The following ABCC3 variants were observed in gnomAD, a reference collection of about 807,000 sequenced individuals.
ABCC3 encodes ATP binding cassette subfamily C member 3, also known as ATP-binding cassette sub-family C member 3.
In ABCC3, 121 loss-of-function variants were observed where a neutral mutation model predicts 165.3. The observed-to-expected ratio is 0.73, with a 90% CI of 0.63 to 0.85. The LOEUF is 0.85. Ranked by LOEUF, ABCC3 falls within the 40% of genes least tolerant of loss-of-function variation. ABCC3 has a pLI of 0.00. For missense variants in ABCC3, 1,869 were observed against 1,964.1 expected (o/e 0.95, Z 0.92); for synonymous variants, 733 against 810.1 (o/e 0.90, Z 1.62).
chr17:50,659,360 G>A lies in ABCC3; in HGVS notation c.798G>A (p.Gln266=). The A allele has an allele frequency of 6.2e-7, 1 of 1,609,420 alleles. No homozygotes were observed. Residue 266 remains glutamine (Q), a synonymous_variant, in exon 7 of 31, where the codon CAG becomes CAA. Coordinates refer to ENST00000285238, the MANE Select transcript of ABCC3 (RefSeq NM_003786.4). The part of the protein sequence containing the change: ...LLEAWRKQEK[Q]TARHKASAAP... ...AGGCATGGAGGAAGCAGGAAAAGCA[G>A]ACGGCACGGTGAGGCCCTCCCCTTG...
rs1967437620 is a variant in ABCC3, at chr17:50,663,382, C to T, written c.999-299C>T. On this transcript the variant is annotated intron_variant, in intron 8 of 30. Coordinates refer to ENST00000285238, the MANE Select transcript of ABCC3 (RefSeq NM_003786.4). Reference sequence around the variant, plus strand: ...GTCAATGGAAACGTGGCATTTCTTCCCGCCATATGTCAGGAGGTAAGAAGG... The same window carrying T: ...GTCAATGGAAACGTGGCATTTCTTCTCGCCATATGTCAGGAGGTAAGAAGG... 7.4e-6 allele frequency: 3 copies of T among 404,264 alleles called. No homozygotes were observed. In the East Asian group the frequency reaches 1.3e-4, roughly 18 times the overall value. The allele number at this position is 404,264 out of a possible 1,614,324, so 25.0% of individuals were successfully genotyped here. A position where few individuals can be genotyped will look rare whatever the true frequency, so the allele number is the denominator to read the frequency against.
intron 1 of ABCC3, among the ~76,000 whole-genome samples, chr17:50,638,708 C>T (rs2054201348): frequency 6.6e-6 from 1 of 152,214 alleles, no homozygotes; most frequent in Non-Finnish European, 1.5e-5. Flanking sequence ...CTCATTGTTC[C>T]CTTAGCTGTT....
rs756023369 is a variant in ABCC3, at chr17:50,683,967, A to G, written c.3973A>G (p.Thr1325Ala). ...CGCCCAGGTGGGGATCGTGGGCCGCACTGGGGCTGGCAAGTCTTCCATGAC... is the reference window on the plus strand; with the variant it reads ...CGCCCAGGTGGGGATCGTGGGCCGCGCTGGGGCTGGCAAGTCTTCCATGAC... ...GGEKVGIVGR[T>A]GAGKSSMTLC... Residue 1325 changes from threonine (T) to alanine (A), a missense_variant, in exon 28 of 31, where the codon ACT (threonine) becomes GCT (alanine). Transcript: ENST00000285238. The G allele has an allele frequency of 1.2e-6, 2 of 1,613,144 alleles. No individual in the cohort carries two copies. Among genetic ancestry groups the G allele is most frequent in the East Asian group, 2.2e-5 (1 of 44,798 alleles).
At chr17:50,640,633 C>T (rs2054220209) in intron 1 of ABCC3, among the ~76,000 whole-genome samples, 1 of 152,244 alleles carries the variant, frequency 6.6e-6, no homozygotes, top group Admixed American at 6.5e-5. Context: ...ATTATCCTGC[C>T]TCAGCCTCCT....
chr17:50,668,420 C>A lies in ABCC3; in HGVS notation c.1783-10C>A. On this transcript the variant is annotated splice_polypyrimidine_tract_variant and intron_variant, in intron 13 of 30. Transcript: ENST00000285238. ...TACAGTCTCTAGGGCTGACTCACAT[C>A]CTCCCGTAGGCCAGTGTGTCTCTGA... The A allele has an allele frequency of 6.2e-7, 1 of 1,612,630 alleles. No homozygotes were observed. The highest frequency in any genetic ancestry group is 8.5e-7 in the Non-Finnish European group (1 of 1,178,832).
chr17:50,687,247 G>A, intron 29 of ABCC3: 1 of 432,488 alleles, frequency 2.3e-6, no homozygotes, highest in Non-Finnish European at 4.2e-6. Flanking sequence ...GGCACTAGCT[G>A]AAAAGCAAGG....
At position 50,684,812 on chromosome 17, in the gene ABCC3, C is replaced by A; in HGVS notation, c.4217C>A (p.Thr1406Lys). 1 of 1,614,170 alleles carries A rather than the reference C, an allele frequency of 6.2e-7. No individual in the cohort carries two copies. Reference protein sequence around the residue: ...WWALELSHLHTFVSSQPAGLD... With the variant: ...WWALELSHLHKFVSSQPAGLD... The stretch of plus-strand genomic sequence containing the variant: ...GCTTTGGAGCTGTCCCACCTGCACA[C>A]GTTTGTGAGCTCCCAGCCGGCAGGC... Residue 1406 changes from threonine (T) to lysine (K), a missense_variant, in exon 29 of 31, where the codon ACG becomes AAG. Coordinates refer to ENST00000285238, the MANE Select transcript of ABCC3 (RefSeq NM_003786.4).
intron 26 of ABCC3, 76 bp from the exon 27 acceptor site, chr17:50,683,534 T>C: frequency 6.9e-7 from 1 of 1,443,182 alleles, no homozygotes; most frequent in Non-Finnish European, 9.1e-7. Flanking sequence ...TTGAGGGGCC[T>C]TGGGGGAGAG....
intron 19 of ABCC3, among the ~76,000 whole-genome samples, chr17:50,675,073 C>T (rs1420734894): frequency 6.6e-6 from 1 of 152,192 alleles, no homozygotes; most frequent in Non-Finnish European, 1.5e-5. Flanking sequence ...GCTGGGATTA[C>T]AGGCGTGAGC....
At chr17:50,684,236 C>G (rs1387527830) in intron 28 of ABCC3, 129 bp downstream of exon 28, 9 of 1,238,010 alleles carry the variant, frequency 7.3e-6, no homozygotes, top group Middle Eastern at 2.4e-4. Context: ...GAGGGACAGA[C>G]AGCAGGAAGC....
chr17:50,691,425 AGAC>A lies in ABCC3; in HGVS notation c.*226_*228del. The A allele has an allele frequency of 2.0e-6, 1 of 488,180 alleles. No homozygotes were observed. The highest frequency in any genetic ancestry group is 2.5e-5 in the South Asian group (1 of 39,702). 30.2% of individuals were successfully genotyped at this position (488,180 alleles called of 1,614,324 possible). A position where few individuals can be genotyped will look rare whatever the true frequency, so the allele number is the denominator to read the frequency against. The stretch of plus-strand genomic sequence containing the variant: ...AGGTCACAGCTAGTTTGAGCCAGTT[AGAC>A]TAGTCCCCGGTCTCCCGATTCCCAA... On this transcript the variant is annotated 3_prime_UTR_variant, in exon 31 of 31. Coordinates refer to ENST00000285238, the MANE Select transcript of ABCC3 (RefSeq NM_003786.4).
chr17:50,667,581 C>T lies in ABCC3; in HGVS notation c.1459C>T (p.Arg487Cys), dbSNP rs577213087. 3.1e-6 allele frequency: 5 copies of T among 1,611,230 alleles called. No homozygotes were observed. In the Admixed American group the frequency reaches 5.0e-5, roughly 16 times the overall value. The stretch of plus-strand genomic sequence containing the variant: ...AAAGCAAATGAAATTGAAGGACTCG[C>T]GCATCAAGCTGATGAGTGAGATCCT... ...QVKQMKLKDS[R>C]IKLMSEILNG... The change falls in exon 12 of 31, where the codon CGC becomes TGC. Residue 487 changes from arginine to cysteine, a missense_variant. By Grantham distance (180) the Arg-to-Cys change is radical. Coordinates refer to ENST00000285238, the MANE Select transcript of ABCC3 (RefSeq NM_003786.4).
chr17:50,655,135 G>A (rs1489957046), intron 1 of ABCC3, among the ~76,000 whole-genome samples: 64 of 196 alleles, frequency 0.33, no homozygotes, highest in African/African-American at 0.45. Flanking sequence ...AGGGCCAGGC[G>A]CAGCCGTCAC....
chr17:50,665,855 G>A (rs1040572344), intron 11 of ABCC3, among the ~76,000 whole-genome samples: 6 of 151,396 alleles, frequency 4.0e-5, no homozygotes, highest in Non-Finnish European at 7.4e-5. Context: ...CAGGTGATCC[G>A]TTCATCTTAG....
At chr17:50,652,027 T>A (rs777296793) in intron 1 of ABCC3, among the ~76,000 whole-genome samples, 31 of 152,232 alleles carry the variant, frequency 2.0e-4, no homozygotes, top group Non-Finnish European at 3.8e-4. Flanking sequence ...TTGCCAAAGA[T>A]TACCCAAGTC....
chr17:50,656,739 AC>A lies in ABCC3; in HGVS notation c.262del (p.Leu88PhefsTer35), dbSNP rs1364331275. 2.5e-6 allele frequency: 4 copies of A among 1,613,630 alleles called. No individual in the cohort carries two copies. The highest frequency in any genetic ancestry group is 2.2e-5 in the East Asian group (1 of 44,834). On this transcript the variant is annotated frameshift_variant, in exon 3 of 31. Coordinates refer to ENST00000285238, the MANE Select transcript of ABCC3 (RefSeq NM_003786.4). LOFTEE classifies it high-confidence loss of function. ...GVLLWCVSWA[D>X]LFYSFHGLVH... ...CTGCTGTGGTGCGTCTCCTGGGCGG[AC>A]CTTTTTTACTCCTTCCATGGCCTGG...
chr17:50,673,629 A>G lies in ABCC3; in HGVS notation c.2570A>G (p.Asp857Gly). The change falls in exon 19 of 31, where the codon GAC becomes GGC. Residue 857 changes from aspartate to glycine, a missense_variant. Physicochemically the swap from Asp to Gly is moderately conservative, Grantham distance 94. Coordinates refer to ENST00000285238, the MANE Select transcript of ABCC3 (RefSeq NM_003786.4). The stretch of plus-strand genomic sequence containing the variant: ...CTCTGCAACTATGCCCCCGATGAGG[A>G]CCAAGGGCACCTGGAGGACAGCTGG... ...NFLCNYAPDE[D>G]QGHLEDSWTA... The G allele has an allele frequency of 6.2e-7, 1 of 1,614,152 alleles. No individual in the cohort carries two copies. The highest frequency in any genetic ancestry group is 8.5e-7 in the Non-Finnish European group (1 of 1,180,008).
chr17:50,656,376 G>A (rs959296464), intron 2 of ABCC3, among the ~76,000 whole-genome samples: 2 of 152,178 alleles, frequency 1.3e-5, no homozygotes, highest in African/African-American at 4.8e-5. Context: ...TGCCCAGCCA[G>A]CATTCTGGTT....
intron 1 of ABCC3, among the ~76,000 whole-genome samples, chr17:50,644,934 C>T (rs1325396752): frequency 4.6e-5 from 7 of 152,066 alleles, no homozygotes. Flanking sequence ...AGGAGAATGG[C>T]GTGAACCCGG....
Sources: gnomAD v4.1 joint callset for allele counts (sites outside exome capture counted in the v4.1 genomes callset) on GRCh38, gnomAD v4.1.1 for gene constraint, MANE v1.5 for transcripts, NCBI Gene and HGNC (gene_info 2026-07-23, HGNC 2026-07-21) for gene names.